The following CBFA2T3 variants were observed in gnomAD, a reference collection of about 807,000 sequenced individuals.
The protein encoded by CBFA2T3 is transcriptional corepressor CBFA2T3.
CBFA2T3 carries 31 observed loss-of-function variants against 58.6 expected under a neutral mutation model. The ratio of observed to expected loss-of-function variants is 0.53; its 90% CI spans 0.40 to 0.71. The LOEUF is 0.71. Ranked by LOEUF, CBFA2T3 falls within the 30% of genes least tolerant of loss-of-function variation. The pLI is 0.00. For missense variants in CBFA2T3, 1,076 were observed against 963.1 expected (o/e 1.12, Z -1.55); for synonymous variants, 531 against 421.9 (o/e 1.26, Z -3.17).
At chr16:88,932,001 GT>G (rs1971323915) in intron 1 of CBFA2T3, among the ~76,000 whole-genome samples, 1 of 151,996 alleles carries the variant, frequency 6.6e-6, no homozygotes, top group African/African-American at 2.4e-5. Context: ...TCCTGGCCCG[GT>G]TTTCACACCG....
intron 1 of CBFA2T3, among the ~76,000 whole-genome samples, chr16:88,948,622 A>C (rs551145059): frequency 1.3e-5 from 2 of 152,246 alleles, no homozygotes; most frequent in East Asian, 1.9e-4. Flanking sequence ...CCTGACTCAC[A>C]TCGGCATCGC....
intron 5 of CBFA2T3, among the ~76,000 whole-genome samples, chr16:88,887,758 C>T (rs1221937300): frequency 6.6e-6 from 1 of 151,968 alleles, no homozygotes; most frequent in Admixed American, 6.6e-5. Context: ...TAAAATGCTA[C>T]ACACACTGAG....
intron 1 of CBFA2T3, chr16:88,951,195 G>A (rs1329052705): frequency 7.7e-6 from 3 of 387,470 alleles, no homozygotes; most frequent in Non-Finnish European, 1.6e-5. Flanking sequence ...CCTGTCTTCC[G>A]GATCTGTTCA....
Position 88,906,346 on chromosome 16 carries a change from G to A in CBFA2T3, c.152-4690C>T, listed in dbSNP as rs927599173. Among the ~76,000 whole-genome samples the A allele has an allele frequency of 7.9e-5, 12 of 152,144 alleles. No individual in the cohort carries two copies. In the East Asian group the frequency reaches 9.6e-4, roughly 12 times the overall value. On this transcript the variant is annotated intron_variant, in intron 1 of 11. Coordinates refer to ENST00000268679, the MANE Select transcript of CBFA2T3 (RefSeq NM_005187.6). Reference sequence around the variant, plus strand: ...ACCCACTTCGAGGCTCGGAGGCCCCGTGGGCTACCAGCCCACGGCTGCGAA... The same window carrying A: ...ACCCACTTCGAGGCTCGGAGGCCCCATGGGCTACCAGCCCACGGCTGCGAA...
At position 88,958,481 on chromosome 16, in the gene CBFA2T3, C is replaced by T. The variant is rs138481248; in HGVS notation, c.151+18176G>A. 4.5e-3 allele frequency among the ~76,000 whole-genome samples: 688 copies of T among 152,238 alleles called. 7 individuals carry two copies. Among genetic ancestry groups the T allele is most frequent in the African/African-American group, 0.015 (641 of 41,550 alleles). On this transcript the variant is annotated intron_variant, in intron 1 of 11. Transcript: ENST00000268679. This position sits in a 1 kb window ranked among gnomAD's most constrained non-coding sequence, Gnocchi z 4.0. ...GTTCTGGGGCGGGGCGTTAGAGTGACACCAGGTCCCGGTGCAGCGCTCGTG... is the reference window on the plus strand; with the variant it reads ...GTTCTGGGGCGGGGCGTTAGAGTGATACCAGGTCCCGGTGCAGCGCTCGTG...
intron 1 of CBFA2T3, among the ~76,000 whole-genome samples, chr16:88,952,917 CG>C (rs1972115877): frequency 2.9e-5 from 1 of 34,362 alleles, no homozygotes; most frequent in African/African-American, 1.4e-4. Context: ...GGGCCTGTGT[CG>C]AGACGGCATG....
At chr16:88,968,221 G>T (rs1029059853) in intron 1 of CBFA2T3, among the ~76,000 whole-genome samples, 1 of 152,208 alleles carries the variant, frequency 6.6e-6, no homozygotes, top group Non-Finnish European at 1.5e-5. Context: ...GGCCCTGGCC[G>T]CAGGACTGCC....
intron 7 of CBFA2T3, among the ~76,000 whole-genome samples, chr16:88,883,057 G>A (rs188426055): frequency 2.2e-4 from 33 of 152,334 alleles, no homozygotes; most frequent in South Asian, 6.2e-4. Flanking sequence ...TTAAGAGGAT[G>A]TGTTTGCCTG....
intron 1 of CBFA2T3, among the ~76,000 whole-genome samples, chr16:88,957,279 G>A (rs1972242096): frequency 6.6e-6 from 1 of 152,224 alleles, no homozygotes; most frequent in Non-Finnish European, 1.5e-5. Context: ...AGAGGTTCCT[G>A]GTCAGAAGTG....
chr16:88,881,209 C>A lies in CBFA2T3; in HGVS notation c.1402+82G>T. The A allele has an allele frequency of 4.8e-6, 6 of 1,237,868 alleles. No individual in the cohort carries two copies. The South Asian group carries it at 6.0e-5, about 12-fold the overall frequency. 76.7% of individuals were successfully genotyped at this position (1,237,868 alleles called of 1,614,324 possible). A position where few individuals can be genotyped will look rare whatever the true frequency, so the allele number is the denominator to read the frequency against. On this transcript the variant is annotated intron_variant, in intron 9 of 11. Coordinates refer to ENST00000268679, the MANE Select transcript of CBFA2T3 (RefSeq NM_005187.6). ...AACTGTTCTGCCTGGTGTTTCGTTGCATTGCCTGCCTGACAGCTCCCAGGT... is the reference window on the plus strand; with the variant it reads ...AACTGTTCTGCCTGGTGTTTCGTTGAATTGCCTGCCTGACAGCTCCCAGGT...
chr16:88,902,204 C>T (rs1020135373), intron 1 of CBFA2T3, among the ~76,000 whole-genome samples: 3 of 152,152 alleles, frequency 2.0e-5, no homozygotes, highest in African/African-American at 4.8e-5. Context: ...GGCTGGGGGG[C>T]GGGGGACGGT....
In CBFA2T3 at chr16:88,885,316, C is replaced by T; in HGVS notation, c.894-47G>A. 2 of 1,377,448 alleles carry T rather than the reference C, an allele frequency of 1.5e-6. No individual in the cohort carries two copies. Among genetic ancestry groups the T allele is most frequent in the African/African-American group, 1.5e-5 (1 of 68,478 alleles). The allele number at this position is 1,377,448 out of a possible 1,614,324, so 85.3% of individuals were successfully genotyped here. On this transcript the variant is annotated intron_variant, in intron 6 of 11. Coordinates refer to ENST00000268679, the MANE Select transcript of CBFA2T3 (RefSeq NM_005187.6). This position sits in a 1 kb window ranked among gnomAD's most constrained non-coding sequence, Gnocchi z 5.3. ...GCGAGGGCAGTGGACATAGGATGAA[C>T]CGGGGACAGAGGTGCAGGTGGGGTG... is the stretch of plus-strand genomic sequence containing the variant.
intron 1 of CBFA2T3, among the ~76,000 whole-genome samples, chr16:88,975,986 A>T (rs1972849923): frequency 6.6e-6 from 1 of 152,224 alleles, no homozygotes; most frequent in African/African-American, 2.4e-5. Flanking sequence ...CGGGGCCACC[A>T]GCCTGCAGCT....
chr16:88,914,535 A>G (rs1191404979), intron 1 of CBFA2T3, among the ~76,000 whole-genome samples: 2 of 152,246 alleles, frequency 1.3e-5, no homozygotes, highest in South Asian at 2.1e-4. Context: ...CAAAAATGTG[A>G]TCGTGGTTGC....
intron 1 of CBFA2T3, among the ~76,000 whole-genome samples, chr16:88,903,006 A>G (rs1219604778): frequency 6.6e-6 from 1 of 152,144 alleles, no homozygotes; most frequent in African/African-American, 2.4e-5. Context: ...TCTCACCCAC[A>G]GCCTGGGGCA....
At chr16:88,933,933 C>T (rs981757368) in intron 1 of CBFA2T3, among the ~76,000 whole-genome samples, 3 of 143,396 alleles carry the variant, frequency 2.1e-5, no homozygotes, top group South Asian at 2.3e-4. Context: ...CTGCACGCTG[C>T]CCCCGGGAGA....
intron 1 of CBFA2T3, among the ~76,000 whole-genome samples, chr16:88,924,649 G>A (rs762930341): frequency 1.6e-4 from 24 of 152,322 alleles, no homozygotes; most frequent in Non-Finnish European, 2.8e-4. Flanking sequence ...GCTCCCAGAG[G>A]CAGAGCCCCA....
intron 3 of CBFA2T3, among the ~76,000 whole-genome samples, chr16:88,893,130 T>A (rs1969716745): frequency 6.6e-6 from 1 of 151,806 alleles, no homozygotes; most frequent in Non-Finnish European, 1.5e-5. Context: ...TGGCATGATG[T>A]TCCCAAGCAA....
chr16:88,878,076 C>T (rs1000166964), intron 11 of CBFA2T3, among the ~76,000 whole-genome samples: 4 of 152,358 alleles, frequency 2.6e-5, no homozygotes, highest in East Asian at 3.9e-4. Context: ...TGGCCCCTGC[C>T]GGTCCCTCCG....
Sources: allele counts gnomAD v4.1 joint callset (sites outside exome capture counted in the v4.1 genomes callset), GRCh38; gene constraint gnomAD v4.1.1; non-coding constraint Gnocchi (gnomAD v3.1); transcripts MANE v1.5; gene names NCBI Gene and HGNC (gene_info 2026-07-23, HGNC 2026-07-21).